GLMN: variants seen among roughly 807,000 people sequenced by gnomAD.
GLMN encodes glomulin.
A neutral mutation model predicts 87.8 loss-of-function variants in GLMN; 75 were observed. That is an observed-to-expected ratio of 0.85 (90% CI 0.71 to 1.04). GLMN has a LOEUF of 1.04. Ranked by LOEUF, GLMN falls within the 50% of genes least tolerant of loss-of-function variation. The pLI, the probability that GLMN is intolerant of heterozygous loss-of-function variation, is 0.00. For synonymous variants in GLMN, 206 were observed against 221.6 expected, an observed-to-expected ratio of 0.93 and a Z score of 0.63; for missense variants, 588 against 658.8, an observed-to-expected ratio of 0.89 and a Z score of 1.18.
intron 3 of GLMN, among the ~76,000 whole-genome samples, chr1:92,295,963 T>C (rs1649998591): frequency 6.6e-6 from 1 of 151,956 alleles, no homozygotes; most frequent in African/African-American, 2.4e-5. Flanking sequence ...TCAAGAAGAG[T>C]TTAAAAAACA....
chr1:92,352,895 C>A, the GLMN span, among the ~76,000 whole-genome samples: 2 of 152,186 alleles, frequency 1.3e-5, no homozygotes, highest in Non-Finnish European at 2.9e-5. Context: ...TAAATCCATT[C>A]TCTTATCTTG....
At chr1:92,353,231 T>C in the GLMN span, among the ~76,000 whole-genome samples, 1 of 152,214 alleles carries the variant, frequency 6.6e-6, no homozygotes, top group South Asian at 2.1e-4. Context: ...TGCTGGGTCA[T>C]ATGATAACTC....
intron 8 of GLMN, among the ~76,000 whole-genome samples, chr1:92,270,574 T>C (rs906206473): frequency 1.3e-5 from 2 of 152,248 alleles, no homozygotes; most frequent in Admixed American, 6.5e-5. Flanking sequence ...TATATTCATA[T>C]ATAAATGCAC....
At chr1:92,341,229 G>C in the GLMN span, among the ~76,000 whole-genome samples, 3 of 151,908 alleles carry the variant, frequency 2.0e-5, no homozygotes, top group African/African-American at 7.3e-5. Flanking sequence ...GGCTGGTCTC[G>C]AACTCCTGAG....
intron 3 of GLMN, among the ~76,000 whole-genome samples, chr1:92,296,656 C>A (rs920535119): frequency 9.2e-5 from 14 of 152,276 alleles, no homozygotes; most frequent in South Asian, 2.1e-4. Context: ...TCCAAAGACA[C>A]AAAATTTGGC....
At position 92,271,670 on chromosome 1, in the gene GLMN, A is replaced by G. The variant is rs567537015; in HGVS notation, c.736-18T>C. Reference sequence around the variant, plus strand: ...AAAAAACCCTATGAAATGGATAAAAAAGGAAACCATAGCACACAGACTCTA... The same window carrying G: ...AAAAAACCCTATGAAATGGATAAAAGAGGAAACCATAGCACACAGACTCTA... On this transcript the variant is annotated intron_variant, in intron 7 of 18. Transcript: ENST00000370360. 1.9e-6 allele frequency: 3 copies of G among 1,570,712 alleles called. No individual in the cohort carries two copies. The African/African-American group carries it at 4.0e-5, about 21-fold the overall frequency.
the GLMN span, among the ~76,000 whole-genome samples, chr1:92,356,226 C>T: frequency 6.6e-6 from 1 of 152,194 alleles, no homozygotes; most frequent in African/African-American, 2.4e-5. Flanking sequence ...ATCCACCTGC[C>T]TCAGCCTCCC....
At chr1:92,353,963 C>CT in the GLMN span, among the ~76,000 whole-genome samples, 3 of 152,098 alleles carry the variant, frequency 2.0e-5, no homozygotes, top group South Asian at 4.2e-4. Flanking sequence ...TAATGCTACT[C>CT]TTTTTTTTAT....
the GLMN span, chr1:92,323,682 C>G: frequency 1.2e-6 from 2 of 1,613,710 alleles, no homozygotes; most frequent in South Asian, 1.1e-5. Flanking sequence ...AAGCTGGTCA[C>G]AAAGCTAACT....
At chr1:92,368,080 G>GA in the GLMN span, among the ~76,000 whole-genome samples, 1 of 152,176 alleles carries the variant, frequency 6.6e-6, no homozygotes, top group African/African-American at 2.4e-5. Context: ...GGTTCAGTAT[G>GA]AGTGCAGTGA....
chr1:92,307,724 T>TA, the GLMN span, among the ~76,000 whole-genome samples: 2 of 41,868 alleles, frequency 4.8e-5, no homozygotes, highest in Non-Finnish European at 7.5e-5. Context: ...AATTAAAAAG[T>TA]AATTTTTTTT....
the GLMN span, among the ~76,000 whole-genome samples, chr1:92,311,962 G>A: frequency 5.1e-4 from 78 of 152,316 alleles, 1 homozygote; most frequent in African/African-American, 1.9e-3. Context: ...TAACTGATCA[G>A]GGTGGTGGTG....
chr1:92,335,844 ATG>A, the GLMN span, among the ~76,000 whole-genome samples: 4 of 152,070 alleles, frequency 2.6e-5, no homozygotes, highest in African/African-American at 4.8e-5. Context: ...CATATTTTTT[ATG>A]TTCATCTGAT....
intron 16 of GLMN, among the ~76,000 whole-genome samples, chr1:92,257,794 C>T (rs374780213): frequency 1.8e-4 from 27 of 150,676 alleles, no homozygotes; most frequent in African/African-American, 9.7e-5. Context: ...CATAAAAACC[C>T]AAAACCATAA....
At chr1:92,358,927 A>C in the GLMN span, among the ~76,000 whole-genome samples, 1 of 152,150 alleles carries the variant, frequency 6.6e-6, no homozygotes, top group African/African-American at 2.4e-5. Context: ...CAGAAAAAAC[A>C]AATAGACCTA....
chr1:92,304,774 C>G, the GLMN span, among the ~76,000 whole-genome samples: 1 of 152,102 alleles, frequency 6.6e-6, no homozygotes, highest in Admixed American at 6.5e-5. Context: ...AAAATTGATG[C>G]CTATCTCAGT....
the GLMN span, among the ~76,000 whole-genome samples, chr1:92,334,262 TTTG>T: frequency 2.6e-5 from 4 of 152,232 alleles, no homozygotes; most frequent in African/African-American, 9.6e-5. Flanking sequence ...ATAGGAGTTT[TTTG>T]TTGTTTGTTT....
the GLMN span, among the ~76,000 whole-genome samples, chr1:92,324,861 AT>A: frequency 6.6e-6 from 1 of 152,246 alleles, no homozygotes; most frequent in African/African-American, 2.4e-5. Context: ...TTATTGGGAA[AT>A]AATGGACAAA....
At chr1:92,278,549 A>G (rs1025623534) in intron 7 of GLMN, among the ~76,000 whole-genome samples, 12 of 152,180 alleles carry the variant, frequency 7.9e-5, no homozygotes, top group Non-Finnish European at 1.8e-4. Context: ...ATTGGCTCTC[A>G]TCTGAAAACA....
Sources: gnomAD v4.1 joint callset for allele counts (sites outside exome capture counted in the v4.1 genomes callset) on GRCh38, gnomAD v4.1.1 for gene constraint, MANE v1.5 for transcripts, NCBI Gene and HGNC (gene_info 2026-07-23, HGNC 2026-07-21) for gene names.